LAPTM4B: variants seen among roughly 807,000 people sequenced by gnomAD.
LAPTM4B encodes lysosomal-associated transmembrane protein 4B.
In LAPTM4B, 26 loss-of-function variants were observed where a neutral mutation model predicts 28.5. The observed-to-expected ratio is 0.91, with a 90% CI of 0.67 to 1.27. The LOEUF is 1.27. Ranked by LOEUF, LAPTM4B falls within the 50% of genes most tolerant of loss-of-function variation. LAPTM4B has a pLI of 0.00. For missense variants in LAPTM4B, 288 were observed against 285.8 expected, an observed-to-expected ratio of 1.01 and a Z score of -0.06; for synonymous variants, 109 against 106.4, an observed-to-expected ratio of 1.02 and a Z score of -0.15.
intron 1 of LAPTM4B, among the ~76,000 whole-genome samples, chr8:97,799,233 T>C (rs188288683): frequency 6.6e-6 from 1 of 152,230 alleles, no homozygotes; most frequent in African/African-American, 2.4e-5. Flanking sequence ...TTAGCCAGAC[T>C]ATTGTAGGTG....
intron 5 of LAPTM4B, among the ~76,000 whole-genome samples, chr8:97,819,505 G>A (rs1034496091): frequency 3.3e-5 from 5 of 152,064 alleles, no homozygotes; most frequent in Admixed American, 6.5e-5. Flanking sequence ...ATATTGCAAC[G>A]TCTGTTACAA....
intron 4 of LAPTM4B, among the ~76,000 whole-genome samples, chr8:97,817,345 C>T (rs4410873): frequency 0.37 from 55,324 of 151,566 alleles, 10,936 homozygotes; most frequent in Non-Finnish European, 0.45. Flanking sequence ...ACCATGTTGC[C>T]CAGGCTTGTC....
chr8:97,789,385 G>A (rs551160079), intron 1 of LAPTM4B, among the ~76,000 whole-genome samples: 1 of 143,004 alleles, frequency 7.0e-6, no homozygotes, highest in South Asian at 2.3e-4. Context: ...GTTTTTTTGA[G>A]GTAGAGTCTC....
At chr8:97,804,342 T>G (rs1280914840) in intron 1 of LAPTM4B, among the ~76,000 whole-genome samples, 1 of 152,176 alleles carries the variant, frequency 6.6e-6, no homozygotes, top group Admixed American at 6.5e-5. Context: ...GAAATAGAAA[T>G]GAAGAGGTAG....
chr8:97,792,820 C>T (rs374208646), intron 1 of LAPTM4B, among the ~76,000 whole-genome samples: 70 of 152,232 alleles, frequency 4.6e-4, no homozygotes, highest in African/African-American at 1.6e-3. Flanking sequence ...TCAAGTGATC[C>T]GCCCTCCTCA....
At chr8:97,813,356 C>T (rs958905641) in intron 2 of LAPTM4B, among the ~76,000 whole-genome samples, 1 of 152,232 alleles carries the variant, frequency 6.6e-6, no homozygotes, top group African/African-American at 2.4e-5. Context: ...AGATGGAAGC[C>T]GGAAGACTCA....
intron 1 of LAPTM4B, among the ~76,000 whole-genome samples, chr8:97,790,409 T>G (rs1157616566): frequency 6.6e-6 from 1 of 151,838 alleles, no homozygotes; most frequent in African/African-American, 2.4e-5. Flanking sequence ...CCTCCTGGGT[T>G]CAAGCAATTC....
At chr8:97,831,850 C>A (rs1817188341) in intron 6 of LAPTM4B, among the ~76,000 whole-genome samples, 3 of 152,096 alleles carry the variant, frequency 2.0e-5, no homozygotes, top group Admixed American at 2.0e-4. Context: ...TTTTTTGGTG[C>A]CCTTTGCAGT....
At chr8:97,805,324 C>CTTT (rs386413439) in intron 1 of LAPTM4B, 29 bp from the exon 2 acceptor site, 14,442 of 832,846 alleles carry the variant, frequency 0.017, 87 homozygotes, top group South Asian at 0.031. Flanking sequence ...TACTTAAATT[C>CTTT]TTTTTTTTTT....
chr8:97,812,709 A>G (rs1816849890), intron 2 of LAPTM4B, among the ~76,000 whole-genome samples: 1 of 152,278 alleles, frequency 6.6e-6, no homozygotes, highest in Middle Eastern at 3.4e-3. Flanking sequence ...GAGCAGTGAC[A>G]TTTGGACTAG....
chr8:97,851,603 T>G lies in LAPTM4B; in HGVS notation c.*129T>G. ...TTGCTGAAATGCTACTTTTTAAAAT[T>G]TAGATGTTAGATTGAAAACTGTAGT... is the stretch of plus-strand genomic sequence containing the variant. On this transcript the variant is annotated 3_prime_UTR_variant, in exon 7 of 7. Transcript: ENST00000521545. 1 of 691,986 alleles carries G rather than the reference T, an allele frequency of 1.4e-6. No homozygotes were observed. The highest frequency in any genetic ancestry group is 1.7e-5 in the South Asian group (1 of 58,502). 42.9% of individuals were successfully genotyped at this position (691,986 alleles called of 1,614,324 possible).
In LAPTM4B at chr8:97,800,620, C is replaced by T. The variant is rs1398597124; in HGVS notation, c.100-4733C>T. Among the ~76,000 whole-genome samples the T allele has an allele frequency of 4.0e-5, 6 of 151,250 alleles. No individual in the cohort carries two copies. In the South Asian group the frequency reaches 6.3e-4, roughly 16 times the overall value. On this transcript the variant is annotated intron_variant, in intron 1 of 6. Transcript: ENST00000521545. ...CAAGCAATTCTCCTGCCTCAGCTTC[C>T]GGAGTAGCTGGGATTACAGGCATGC...
intron 6 of LAPTM4B, among the ~76,000 whole-genome samples, chr8:97,848,301 T>TA (rs1817462712): frequency 6.6e-6 from 1 of 152,086 alleles, no homozygotes; most frequent in Non-Finnish European, 1.5e-5. Flanking sequence ...TGATTTAAAA[T>TA]GAAACTTTAA....
chr8:97,788,258 G>T, intron 1 of LAPTM4B: 1 of 366,180 alleles, frequency 2.7e-6, no homozygotes, highest in South Asian at 2.7e-5. Context: ...AGTTGTACCT[G>T]ATTTCATTAC....
At chr8:97,822,546 T>G (rs754291873) in intron 5 of LAPTM4B, among the ~76,000 whole-genome samples, 21 of 147,326 alleles carry the variant, frequency 1.4e-4, no homozygotes, top group African/African-American at 4.1e-4. Flanking sequence ...ATTTATTTAT[T>G]TATTTATTTA....
At chr8:97,792,792 G>A (rs1816524087) in intron 1 of LAPTM4B, among the ~76,000 whole-genome samples, 1 of 152,000 alleles carries the variant, frequency 6.6e-6, no homozygotes, top group Non-Finnish European at 1.5e-5. Context: ...TGGCCAGGCT[G>A]GTTTCGAACT....
chr8:97,794,172 GT>G (rs1298622343), intron 1 of LAPTM4B, among the ~76,000 whole-genome samples: 2 of 152,064 alleles, frequency 1.3e-5, no homozygotes, highest in East Asian at 3.9e-4. Flanking sequence ...TAGAGATGAG[GT>G]TTCACCATGT....
chr8:97,822,538 T>G (rs12547749), intron 5 of LAPTM4B, among the ~76,000 whole-genome samples: 1,998 of 131,658 alleles, frequency 0.015, 48 homozygotes, highest in African/African-American at 0.046. Context: ...TTTTATTTAT[T>G]TATTTATTTA....
At position 97,804,193 on chromosome 8, in the gene LAPTM4B, AATAT is replaced by A. The variant is rs143727713; in HGVS notation, c.100-1158_100-1155del. On this transcript the variant is annotated intron_variant, in intron 1 of 6. Transcript: ENST00000521545. ...CCAGGAGTTTGAGGCCAGCCTGGGC[AATAT>A]AGACACCTTGTCTCTCAGCAGACAA... Among the ~76,000 whole-genome samples the A allele has an allele frequency of 6.1e-3, 929 of 152,306 alleles. 7 individuals carry two copies. Among genetic ancestry groups the A allele is most frequent in the African/African-American group, 0.021 (875 of 41,576 alleles).
Sources: allele counts gnomAD v4.1 joint callset (sites outside exome capture counted in the v4.1 genomes callset), GRCh38; gene constraint gnomAD v4.1.1; transcripts MANE v1.5; gene names NCBI Gene and HGNC (gene_info 2026-07-23, HGNC 2026-07-21).